Variants in MECOM observed in about 807,000 individuals in gnomAD.
MECOM encodes the protein MDS1 and EVI1 complex locus.
In MECOM, 13 loss-of-function variants were observed where a neutral mutation model predicts 116.3. The observed-to-expected ratio is 0.11, with a 90% CI of 0.07 to 0.18. The LOEUF (loss-of-function observed/expected upper bound fraction) is 0.18, where lower values mean the gene tolerates loss of function less well. Among genes scored for constraint, MECOM ranks in the 10% least tolerant of loss-of-function variants. The pLI, the probability that MECOM is intolerant of heterozygous loss-of-function variation, is 1.00. For missense variants in MECOM, 1,299 were observed against 1,509.0 expected, an observed-to-expected ratio of 0.86 and a Z score of 2.31; for synonymous variants, 528 against 535.2, an observed-to-expected ratio of 0.99 and a Z score of 0.19.
chr3:169,327,026 C>T (rs1296217702), intron 2 of MECOM, among the ~76,000 whole-genome samples: 1 of 152,150 alleles, frequency 6.6e-6, no homozygotes, highest in Non-Finnish European at 1.5e-5. Context: ...GGACTCAACT[C>T]TTAGATGACA....
At chr3:169,262,764 ATC>A (rs1331790406) in intron 2 of MECOM, among the ~76,000 whole-genome samples, 2 of 152,132 alleles carry the variant, frequency 1.3e-5, no homozygotes, top group African/African-American at 2.4e-5. Context: ...CATGAGATTT[ATC>A]TGTTGAGGCA....
chr3:169,089,050 G>A lies in MECOM; in HGVS notation c.3535C>T (p.His1179Tyr), dbSNP rs1228907692. The A allele has an allele frequency of 3.7e-6, 6 of 1,607,070 alleles. No homozygotes were observed. The highest frequency in any genetic ancestry group is 5.1e-6 in the Non-Finnish European group (6 of 1,177,392). ...EAELSSFSTS[H>Y]VPEELKQPLH... Reference sequence around the variant, plus strand: ...GGCTGCTTAAGTTCCTCTGGCACATGGGAAGTACTAAAAGAAGACAGCTCA... The same window carrying A: ...GGCTGCTTAAGTTCCTCTGGCACATAGGAAGTACTAAAAGAAGACAGCTCA... Residue 1179 changes from histidine (H) to tyrosine (Y), a missense_variant, in exon 16 of 17, where the codon CAT becomes TAT. This residue lies in a region of MECOM where 273 missense variants were observed against 289.3 expected (regional missense o/e 0.94). Transcript: ENST00000651503.
chr3:169,432,685 CTTTACTATTGAAT>C (rs1220150645), intron 1 of MECOM, among the ~76,000 whole-genome samples: 1 of 152,192 alleles, frequency 6.6e-6, no homozygotes, highest in African/African-American at 2.4e-5. Flanking sequence ...CATTCTTCTT[CTTTACTATTGAAT>C]TTTAAAATGT....
At chr3:169,438,329 T>G (rs529721828) in intron 1 of MECOM, among the ~76,000 whole-genome samples, 6 of 152,316 alleles carry the variant, frequency 3.9e-5, no homozygotes, top group African/African-American at 1.4e-4. Flanking sequence ...CATTCAAACA[T>G]TCTTAATTGC....
intron 2 of MECOM, among the ~76,000 whole-genome samples, chr3:169,191,666 CAG>C (rs1036418030): frequency 1.6e-5 from 2 of 123,948 alleles, no homozygotes; most frequent in African/African-American, 3.2e-5. Flanking sequence ...CAGGAAAAAA[CAG>C]AGAGAAAGAA....
At chr3:169,469,839 A>G (rs1365523354) in intron 1 of MECOM, among the ~76,000 whole-genome samples, 1 of 152,186 alleles carries the variant, frequency 6.6e-6, no homozygotes, top group Non-Finnish European at 1.5e-5. Flanking sequence ...CACTTTCTCT[A>G]TTAATTGGCT....
At chr3:169,355,789 G>GA (rs1727171738) in intron 2 of MECOM, among the ~76,000 whole-genome samples, 1 of 151,542 alleles carries the variant, frequency 6.6e-6, no homozygotes, top group African/African-American at 2.4e-5. Flanking sequence ...CTAACTTTTA[G>GA]ATATAAATAC....
At chr3:169,178,085 A>C (rs1473406835) in intron 2 of MECOM, among the ~76,000 whole-genome samples, 2 of 152,162 alleles carry the variant, frequency 1.3e-5, no homozygotes, top group Non-Finnish European at 2.9e-5. Context: ...TTATTCTCCT[A>C]CATAGCCTTT....
intron 1 of MECOM, among the ~76,000 whole-genome samples, chr3:169,485,909 ATG>A (rs1407087544): frequency 2.6e-4 from 32 of 123,614 alleles, no homozygotes; most frequent in African/African-American, 7.5e-4. Context: ...TATAGTATAT[ATG>A]TATGTATATA....
intron 16 of MECOM, 151 bp downstream of exon 16, chr3:169,088,849 A>G: frequency 1.6e-6 from 1 of 606,202 alleles, no homozygotes. Flanking sequence ...TCATAAATAC[A>G]GTAAAGATAT....
Position 169,116,287 on chromosome 3 carries a change from T to A in MECOM, c.1585A>T (p.Met529Leu). 1 of 1,614,154 alleles carries A rather than the reference T, an allele frequency of 6.2e-7. No individual in the cohort carries two copies. The highest frequency in any genetic ancestry group is 8.5e-7 in the Non-Finnish European group (1 of 1,180,018). Reference protein sequence around the residue: ...EQTNKSQSPLMTHPQILPATQ... With the variant: ...EQTNKSQSPLLTHPQILPATQ... ...GCTGGCAGTATCTGAGGATGTGTCA[T>A]GAGGGGACTTTGACTTTTGTTTGTC... is the stretch of plus-strand genomic sequence containing the variant. Residue 529 changes from methionine to leucine, a missense_variant, in exon 8 of 17, where the codon ATG becomes TTG. Met to Leu is a conservative substitution (Grantham distance 15). Transcript: ENST00000651503.
intron 1 of MECOM, among the ~76,000 whole-genome samples, chr3:169,475,891 T>G (rs1425290178): frequency 6.6e-6 from 1 of 151,310 alleles, no homozygotes; most frequent in Non-Finnish European, 1.5e-5. Context: ...TCATGTTGGG[T>G]TTTTTTTTAT....
At chr3:169,367,377 T>C (rs1436653976) in intron 2 of MECOM, among the ~76,000 whole-genome samples, 1 of 151,448 alleles carries the variant, frequency 6.6e-6, no homozygotes, top group South Asian at 2.1e-4. Context: ...TAGGCAGAAG[T>C]TGATGGACCT....
chr3:169,307,945 C>T (rs1314801868), intron 2 of MECOM, among the ~76,000 whole-genome samples: 1 of 152,170 alleles, frequency 6.6e-6, no homozygotes, highest in Non-Finnish European at 1.5e-5. Context: ...ACTCCTCTCG[C>T]TTTCTTTGGT....
rs565977412 is a variant in MECOM, at chr3:169,196,419, C to T, written c.376-52587G>A. On this transcript the variant is annotated intron_variant, in intron 2 of 16. Transcript: ENST00000651503. ...TAATTCATAAACACACACACATACA[C>T]GTCTCACATTGTAAAATACTTCACA... 3.3e-5 allele frequency among the ~76,000 whole-genome samples: 5 copies of T among 152,118 alleles called. No homozygotes were observed. In the South Asian group the frequency reaches 6.2e-4, roughly 19 times the overall value.
At chr3:169,585,123 G>A (rs976730033) in intron 1 of MECOM, among the ~76,000 whole-genome samples, 3 of 152,174 alleles carry the variant, frequency 2.0e-5, no homozygotes, top group Admixed American at 6.5e-5. Flanking sequence ...TAGAGGTTAT[G>A]GATTAGAGGT....
At chr3:169,283,616 T>C (rs572748183) in intron 2 of MECOM, among the ~76,000 whole-genome samples, 1 of 152,308 alleles carries the variant, frequency 6.6e-6, no homozygotes, top group South Asian at 2.1e-4. Context: ...CTGGGTACAA[T>C]TTTACTGGCA....
At chr3:169,150,522 G>T (rs563987131) in intron 2 of MECOM, among the ~76,000 whole-genome samples, 3 of 152,258 alleles carry the variant, frequency 2.0e-5, no homozygotes, top group Admixed American at 6.5e-5. Context: ...AAAAATAATG[G>T]TTTTACTGTA....
Position 169,663,517 on chromosome 3 carries a change from TCTCTCTCTCTCTCC to T in MECOM, c.-159_-146del, listed in dbSNP as rs1776610309. On this transcript the variant is annotated 5_prime_UTR_variant, in exon 1 of 17. Coordinates refer to ENST00000651503, the MANE Select transcript of MECOM (RefSeq NM_004991.4). ...CTCTCTCTCTCTCTCTCTCTCTCTC[TCTCTCTCTCTCTCC>T]CTCCCTCCTGTTTCTCTCCTGTTTC... is the stretch of plus-strand genomic sequence containing the variant. 15 of 633,408 alleles carry T rather than the reference TCTCTCTCTCTCTCC, an allele frequency of 2.4e-5. No homozygotes were observed. Among genetic ancestry groups the T allele is most frequent in the South Asian group, 5.8e-5 (3 of 51,498 alleles). 39.2% of individuals were successfully genotyped at this position (633,408 alleles called of 1,614,324 possible).
Sources: gnomAD v4.1 joint callset for allele counts (sites outside exome capture counted in the v4.1 genomes callset) on GRCh38, gnomAD v4.1.1 for gene constraint, gnomAD v4.1.1 regional missense constraint, MANE v1.5 for transcripts, NCBI Gene and HGNC (gene_info 2026-07-23, HGNC 2026-07-21) for gene names.